The following DISC1 variants were observed in gnomAD, a reference collection of about 807,000 sequenced individuals.
DISC1 encodes DISC1 scaffold protein.
A neutral mutation model predicts 84.5 loss-of-function variants in DISC1; 57 were observed. That is an observed-to-expected ratio of 0.67 (90% CI 0.55 to 0.84). The LOEUF (loss-of-function observed/expected upper bound fraction) is 0.84. Ranked by LOEUF, DISC1 falls within the 40% of genes least tolerant of loss-of-function variation. The pLI is 0.00. For synonymous variants in DISC1, 411 were observed against 415.2 expected (o/e 0.99, Z 0.12); for missense variants, 1,000 against 1,057.8 (o/e 0.95, Z 0.76).
At chr1:231,976,437 G>A (rs938984389) in intron 10 of DISC1, among the ~76,000 whole-genome samples, 1 of 152,162 alleles carries the variant, frequency 6.6e-6, no homozygotes, top group Non-Finnish European at 1.5e-5. Context: ...GACCTTTCTT[G>A]TGGCTGCTTC....
intron 1 of DISC1, among the ~76,000 whole-genome samples, chr1:231,689,481 A>G (rs2064725693): frequency 6.6e-6 from 1 of 151,742 alleles, no homozygotes; most frequent in Admixed American, 6.6e-5. Context: ...ACAGGTGTGC[A>G]CCACCACGCC....
intron 9 of DISC1, chr1:231,940,870 G>A (rs1208554062): frequency 6.6e-6 from 1 of 152,232 alleles, no homozygotes; most frequent in Non-Finnish European, 1.5e-5. Context: ...GCTGGCTGTG[G>A]CCAGCTTGCG....
chr1:231,959,329 T>G lies in DISC1; in HGVS notation c.2042+441T>G, dbSNP rs1056694206. 19 of 985,592 alleles carry G rather than the reference T, an allele frequency of 1.9e-5. No individual in the cohort carries two copies. In the African/African-American group the frequency reaches 3.1e-4, roughly 16 times the overall value. 61.1% of individuals were successfully genotyped at this position (985,592 alleles called of 1,614,324 possible). ...TCCTGAATCAAAACCAGCATGAAAATTTCTGGTTGCTTTTTTTAAAACCCA... is the reference window on the plus strand; with the variant it reads ...TCCTGAATCAAAACCAGCATGAAAAGTTCTGGTTGCTTTTTTTAAAACCCA... On this transcript the variant is annotated intron_variant, in intron 10 of 12. Transcript: ENST00000439617.
intron 3 of DISC1, chr1:231,723,093 G>A: frequency 9.9e-7 from 1 of 1,006,024 alleles, no homozygotes; most frequent in Non-Finnish European, 1.2e-6. Context: ...CAGGACGCCT[G>A]TGGATACAGA....
chr1:231,688,519 C>T (rs2064593835), intron 1 of DISC1, among the ~76,000 whole-genome samples: 1 of 152,216 alleles, frequency 6.6e-6, no homozygotes, highest in South Asian at 2.1e-4. Flanking sequence ...CCAAATGCAG[C>T]ACCCTTCTTC....
At chr1:231,908,652 G>A (rs1300073378) in intron 9 of DISC1, among the ~76,000 whole-genome samples, 1 of 152,148 alleles carries the variant, frequency 6.6e-6, no homozygotes, top group East Asian at 1.9e-4. Context: ...TGGCAATGTG[G>A]GCTCCTTTTT....
chr1:231,911,873 T>C (rs2089237446), intron 9 of DISC1, among the ~76,000 whole-genome samples: 1 of 152,210 alleles, frequency 6.6e-6, no homozygotes, highest in Non-Finnish European at 1.5e-5. Context: ...TGTTTGTTTC[T>C]TTTTACTCCT....
chr1:231,864,852 C>T (rs898149810), intron 9 of DISC1, among the ~76,000 whole-genome samples: 3 of 152,188 alleles, frequency 2.0e-5, no homozygotes, highest in Non-Finnish European at 4.4e-5. Flanking sequence ...TGTTAAATCT[C>T]TCATCCTGAA....
At chr1:231,860,959 A>G (rs1373749720) in intron 9 of DISC1, among the ~76,000 whole-genome samples, 1 of 152,200 alleles carries the variant, frequency 6.6e-6, no homozygotes, top group Non-Finnish European at 1.5e-5. Flanking sequence ...CTAGCAGTTG[A>G]AGATGATTCT....
chr1:231,943,398 C>T (rs1290290167), intron 9 of DISC1, among the ~76,000 whole-genome samples: 1 of 152,218 alleles, frequency 6.6e-6, no homozygotes, highest in Non-Finnish European at 1.5e-5. Flanking sequence ...GGCAAGACAA[C>T]CAGGCTTGGG....
chr1:231,908,062 AT>A (rs1328021661), intron 9 of DISC1, among the ~76,000 whole-genome samples: 3 of 152,102 alleles, frequency 2.0e-5, no homozygotes, highest in Non-Finnish European at 4.4e-5. Flanking sequence ...TTCTTTGTAG[AT>A]TCTGGATATT....
chr1:231,646,812 G>T (rs1477886025), intron 1 of DISC1, among the ~76,000 whole-genome samples: 1 of 152,200 alleles, frequency 6.6e-6, no homozygotes, highest in East Asian at 1.9e-4. Flanking sequence ...GATGACCAGT[G>T]ATGATGAGCA....
rs746969672 is a variant in DISC1, at chr1:232,008,917, A to C, written c.2175A>C (p.Leu725Phe). The C allele has an allele frequency of 1.2e-6, 2 of 1,613,804 alleles. No individual in the cohort carries two copies. The highest frequency in any genetic ancestry group is 2.2e-5 in the South Asian group (2 of 91,080). The change falls in exon 11 of 13, where the codon TTA becomes TTC. Residue 725 changes from leucine (L) to phenylalanine (F), a missense_variant. Coordinates refer to ENST00000439617, the MANE Select transcript of DISC1 (RefSeq NM_018662.3). ...AAGATGAGAGGCAGATGGATGACTT[A>C]GAGGGAGCTGCTCCTCCTATTCCCC... ...SVEDERQMDDLEGAAPPIPPR... is the reference protein window; with the variant it reads ...SVEDERQMDDFEGAAPPIPPR...
intron 9 of DISC1, among the ~76,000 whole-genome samples, chr1:231,888,840 T>C (rs1165099739): frequency 2.0e-5 from 3 of 151,166 alleles, no homozygotes; most frequent in Non-Finnish European, 2.9e-5. Flanking sequence ...ACTCTCCTGC[T>C]CAGGGGCCCA....
At chr1:231,995,266 A>C (rs898424185) in intron 10 of DISC1, among the ~76,000 whole-genome samples, 5 of 152,108 alleles carry the variant, frequency 3.3e-5, no homozygotes, top group Admixed American at 2.0e-4. Flanking sequence ...ACTATTGGCC[A>C]TTCACATATC....
At chr1:232,011,935 A>C (rs1051993379) in intron 11 of DISC1, among the ~76,000 whole-genome samples, 3 of 152,186 alleles carry the variant, frequency 2.0e-5, no homozygotes, top group Non-Finnish European at 2.9e-5. Context: ...TAGGCCTCTT[A>C]CAGGCCGCAT....
At chr1:231,995,004 C>T (rs554607524) in intron 10 of DISC1, among the ~76,000 whole-genome samples, 1 of 152,160 alleles carries the variant, frequency 6.6e-6, no homozygotes, top group Non-Finnish European at 1.5e-5. Flanking sequence ...AATACTCTTT[C>T]TTATATTACA....
At chr1:231,983,338 A>G (rs1244524465) in intron 10 of DISC1, among the ~76,000 whole-genome samples, 1 of 151,426 alleles carries the variant, frequency 6.6e-6, no homozygotes, top group Non-Finnish European at 1.5e-5. Flanking sequence ...GGGAAGCTGT[A>G]TGCTTGCAGG....
At chr1:231,832,972 G>A (rs1179746108) in intron 9 of DISC1, among the ~76,000 whole-genome samples, 1 of 100,820 alleles carries the variant, frequency 9.9e-6, no homozygotes, top group African/African-American at 3.5e-5. Context: ...GCAGGCTAAG[G>A]GTGATTAGGT....
Sources: gnomAD v4.1 joint callset for allele counts (sites outside exome capture counted in the v4.1 genomes callset) on GRCh38, gnomAD v4.1.1 for gene constraint, MANE v1.5 for transcripts, NCBI Gene and HGNC (gene_info 2026-07-23, HGNC 2026-07-21) for gene names.